Variants in CAMK4 observed in about 807,000 individuals in gnomAD.
The protein encoded by CAMK4 is calcium/calmodulin dependent protein kinase IV.
Under a neutral mutation model 44.9 loss-of-function variants are expected in CAMK4, and 22 were observed. The observed-to-expected ratio is 0.49, with a 90% CI of 0.35 to 0.70. The LOEUF is 0.70. Ranked by LOEUF, CAMK4 falls within the 30% of genes least tolerant of loss-of-function variation. The probability of loss-of-function intolerance (pLI) is 0.01; values close to 1 mark genes in which losing one functional copy is unlikely to be tolerated. For synonymous variants in CAMK4, 218 were observed against 215.4 expected (o/e 1.01, Z -0.11); for missense variants, 498 against 586.8 (o/e 0.85, Z 1.56).
At chr5:111,438,816 T>G (rs1266442077) in intron 5 of CAMK4, among the ~76,000 whole-genome samples, 2 of 152,232 alleles carry the variant, frequency 1.3e-5, no homozygotes, top group East Asian at 3.8e-4. Context: ...AATTACAGAC[T>G]GCAGTATTTT....
chr5:111,402,549 A>C (rs1752269134), intron 5 of CAMK4, among the ~76,000 whole-genome samples: 1 of 152,222 alleles, frequency 6.6e-6, no homozygotes, highest in Admixed American at 6.5e-5. Context: ...GACACATTAA[A>C]ACAATCTTCC....
intron 5 of CAMK4, among the ~76,000 whole-genome samples, chr5:111,403,607 T>C (rs1266606241): frequency 1.3e-5 from 2 of 152,192 alleles, no homozygotes; most frequent in African/African-American, 2.4e-5. Flanking sequence ...GTTCTCTTAA[T>C]GTTATAATAT....
In CAMK4 at chr5:111,393,861, TAA is replaced by T. The variant is rs540232630; in HGVS notation, c.387-846_387-845del. ...AAACTTGCCCATGTACCTCTGAACT[TAA>T]AAGTTTTGTGTTTTTTTTTTTTTTT... On this transcript the variant is annotated intron_variant, in intron 4 of 10. Transcript: ENST00000282356. 1.1e-4 allele frequency among the ~76,000 whole-genome samples: 15 copies of T among 141,350 alleles called. No homozygotes were observed. In the East Asian group the frequency reaches 1.3e-3, roughly 12 times the overall value. 92.7% of individuals were successfully genotyped at this position (141,350 alleles called of 152,430 possible). A position where few individuals can be genotyped will look rare whatever the true frequency, so the allele number is the denominator to read the frequency against.
At chr5:111,260,370 A>G (rs1020423435) in intron 1 of CAMK4, among the ~76,000 whole-genome samples, 1 of 152,148 alleles carries the variant, frequency 6.6e-6, no homozygotes, top group African/African-American at 2.4e-5. Context: ...GGCCCCACCT[A>G]CACCATGTCC....
intron 1 of CAMK4, among the ~76,000 whole-genome samples, chr5:111,287,747 G>C (rs1018579410): frequency 6.6e-6 from 1 of 152,110 alleles, no homozygotes; most frequent in Non-Finnish European, 1.5e-5. Context: ...TGTTTAAAAG[G>C]TGGTTCTGTC....
At chr5:111,243,344 A>C (rs1404576283) in intron 1 of CAMK4, among the ~76,000 whole-genome samples, 1 of 152,190 alleles carries the variant, frequency 6.6e-6, no homozygotes, top group Non-Finnish European at 1.5e-5. Flanking sequence ...AGAGTGAAGG[A>C]TGAGGAACTT....
rs528654100 is a variant in CAMK4 at position 111,252,338 on chromosome 5, C to A, written c.161+27694C>A. 4.6e-5 allele frequency among the ~76,000 whole-genome samples: 7 copies of A among 152,206 alleles called. No individual in the cohort carries two copies. The South Asian group carries it at 1.5e-3, about 32-fold the overall frequency. Reference sequence around the variant, plus strand: ...GTAAATAGGATGGCATAACCATAAACCATGGGGTGAGTACCTTCTTATACA... The same window carrying A: ...GTAAATAGGATGGCATAACCATAAAACATGGGGTGAGTACCTTCTTATACA... On this transcript the variant is annotated intron_variant, in intron 1 of 10. Coordinates refer to ENST00000282356, the MANE Select transcript of CAMK4 (RefSeq NM_001744.6).
chr5:111,370,476 G>C (rs1003521293), intron 2 of CAMK4, among the ~76,000 whole-genome samples: 2 of 152,002 alleles, frequency 1.3e-5, no homozygotes, highest in African/African-American at 4.8e-5. Flanking sequence ...GGCGGGTGTG[G>C]GAGTGGGAGA....
At chr5:111,232,595 AG>A (rs1391171322) in intron 1 of CAMK4, among the ~76,000 whole-genome samples, 1 of 152,178 alleles carries the variant, frequency 6.6e-6, no homozygotes, top group Non-Finnish European at 1.5e-5. Context: ...CAAAAAGAGT[AG>A]GCTTGTGTCA....
intron 1 of CAMK4, among the ~76,000 whole-genome samples, chr5:111,317,575 G>C (rs1237867997): frequency 6.6e-6 from 1 of 152,074 alleles, no homozygotes; most frequent in Non-Finnish European, 1.5e-5. Flanking sequence ...CCTACAAAGA[G>C]TTTGAACTTA....
rs117484225 is a variant in CAMK4, at chr5:111,309,122, T to C, written c.162-34902T>C. ...GCACACACAAAAGAGCAATGCAGTG[T>C]CACAAGGCTCTGCTAGCTGACGGTC... On this transcript the variant is annotated intron_variant, in intron 1 of 10. Coordinates refer to ENST00000282356, the MANE Select transcript of CAMK4 (RefSeq NM_001744.6). 2.8e-3 allele frequency among the ~76,000 whole-genome samples: 423 copies of C among 152,312 alleles called. 5 individuals are homozygous for C. Among genetic ancestry groups the C allele is most frequent in the East Asian group, 0.018 (91 of 5,182 alleles).
chr5:111,358,129 G>A (rs1474074074), intron 2 of CAMK4: 1 of 152,122 alleles, frequency 6.6e-6, no homozygotes, highest in Non-Finnish European at 1.5e-5. Context: ...CTGCTTGTAA[G>A]TTACACTGTG....
At chr5:111,460,251 T>C (rs1193726063) in intron 7 of CAMK4, among the ~76,000 whole-genome samples, 1 of 106,014 alleles carries the variant, frequency 9.4e-6, no homozygotes, top group Non-Finnish European at 2.0e-5. Context: ...AATGTTTTTC[T>C]TTTCTTTTCT....
At chr5:111,441,287 GTCTC>G (rs1358018642) in intron 5 of CAMK4, among the ~76,000 whole-genome samples, 1 of 152,104 alleles carries the variant, frequency 6.6e-6, no homozygotes, top group Non-Finnish European at 1.5e-5. Flanking sequence ...AAATATGTTA[GTCTC>G]TCTCAACTAC....
At chr5:111,394,592 G>A in intron 4 of CAMK4, 118 bp from the exon 5 acceptor site, 1 of 646,022 alleles carries the variant, frequency 1.5e-6, no homozygotes, top group Non-Finnish European at 2.7e-6. Context: ...TGGTAGTATG[G>A]TAGCTTGTTT....
chr5:111,478,596 C>G, intron 9 of CAMK4, 89 bp downstream of exon 9: 1 of 522,304 alleles, frequency 1.9e-6, no homozygotes, highest in South Asian at 3.8e-5. Context: ...AAATTTTACC[C>G]ATATTAATGC....
intron 1 of CAMK4, among the ~76,000 whole-genome samples, chr5:111,326,769 G>A (rs1748909421): frequency 6.6e-6 from 1 of 151,672 alleles, no homozygotes; most frequent in Admixed American, 6.6e-5. Context: ...ATACAGGGAA[G>A]GAGTACATTG....
intron 5 of CAMK4, among the ~76,000 whole-genome samples, chr5:111,438,175 C>T (rs79617437): frequency 0.037 from 5,560 of 152,068 alleles, 344 homozygotes; most frequent in African/African-American, 0.13. Flanking sequence ...GCAGGGAGGT[C>T]GAGAGTGCTG....
chr5:111,393,141 A>G (rs1030379007), intron 4 of CAMK4, among the ~76,000 whole-genome samples: 1 of 152,224 alleles, frequency 6.6e-6, no homozygotes, highest in African/African-American at 2.4e-5. Flanking sequence ...AGAAGCAGCA[A>G]TGATAGATTT....
Sources: allele counts gnomAD v4.1 joint callset (sites outside exome capture counted in the v4.1 genomes callset), GRCh38; gene constraint gnomAD v4.1.1; transcripts MANE v1.5; gene names NCBI Gene and HGNC (gene_info 2026-07-23, HGNC 2026-07-21).